Variants in COL1A2 observed in about 807,000 individuals in gnomAD.
COL1A2 encodes the protein collagen type I alpha 2 chain, also known as collagen alpha-2(I) chain.
Under a neutral mutation model 174.3 loss-of-function variants are expected in COL1A2, and 49 were observed. That is an observed-to-expected ratio of 0.28 (90% CI 0.22 to 0.36). COL1A2 has a LOEUF of 0.36. Ranked by LOEUF, COL1A2 falls within the 10% of genes least tolerant of loss-of-function variation. The pLI, the probability that COL1A2 is intolerant of heterozygous loss-of-function variation, is 1.00. For missense variants in COL1A2, 1,438 were observed against 1,822.7 expected, an observed-to-expected ratio of 0.79 and a Z score of 3.84; for synonymous variants, 655 against 606.6, an observed-to-expected ratio of 1.08 and a Z score of -1.17.
At position 94,423,019 on chromosome 7, in the gene COL1A2, T is replaced by G. The variant is rs756847406; in HGVS notation, c.2466T>G (p.Arg822=). ...PAGKEGLRGP[R]GDQGPVGRTG... is the part of the protein sequence containing the mutation. ...GGAAAGAAGGGCTTCGTGGTCCTCGTGGTGACCAAGGTCCAGTTGGCCGAA... is the reference window on the plus strand; with the variant it reads ...GGAAAGAAGGGCTTCGTGGTCCTCGGGGTGACCAAGGTCCAGTTGGCCGAA... Residue 822 remains arginine (R), a synonymous_variant, in exon 40 of 52, where the codon CGT becomes CGG. Coordinates refer to ENST00000297268, the MANE Select transcript of COL1A2 (RefSeq NM_000089.4). 6.2e-7 allele frequency: 1 copy of G among 1,614,180 alleles called. No individual in the cohort carries two copies. Among genetic ancestry groups the G allele is most frequent in the Non-Finnish European group, 8.5e-7 (1 of 1,180,014 alleles).
rs1792054440 is a variant in COL1A2 at position 94,416,899 on chromosome 7, A to C, written c.1863+396A>C. ...ACAAGTAGTCTGACTTTTAATAATAAGAGTTTATGATGATGAAAATTCATT... is the reference window on the plus strand; with the variant it reads ...ACAAGTAGTCTGACTTTTAATAATACGAGTTTATGATGATGAAAATTCATT... On this transcript the variant is annotated intron_variant, in intron 31 of 51. Transcript: ENST00000297268. 2.2e-5 allele frequency: 4 copies of C among 179,790 alleles called. No homozygotes were observed. In the South Asian group the frequency reaches 4.8e-4, roughly 22 times the overall value. The allele number at this position is 179,790 out of a possible 1,614,324, so 11.1% of individuals were successfully genotyped here. A position where few individuals can be genotyped will look rare whatever the true frequency, so the allele number is the denominator to read the frequency against.
chr7:94,410,478 C>T lies in COL1A2; in HGVS notation c.1148C>T (p.Pro383Leu). The T allele has an allele frequency of 6.4e-7, 1 of 1,550,412 alleles. No individual in the cohort carries two copies. The stretch of plus-strand genomic sequence containing the variant: ...AGTGGTGAAGAAGGAAAGAGAGGCC[C>T]TAATGGGGAAGCTGGATCTGCCGGC... ...GPSGEEGKRG[P>L]NGEAGSAGPP... Residue 383 changes from proline to leucine, a missense_variant, in exon 21 of 52, where the codon CCT becomes CTT. Pro to Leu is a moderately conservative substitution (Grantham distance 98, BLOSUM62 -3). Around this residue, in one of 3 missense-constraint regions of COL1A2, gnomAD observed 867 missense variants for 1,213.7 expected, o/e 0.71. Transcript: ENST00000297268.
intron 39 of COL1A2, 91 bp from the exon 40 acceptor site, chr7:94,422,866 G>C: frequency 6.9e-7 from 1 of 1,446,298 alleles, no homozygotes; most frequent in Admixed American, 1.7e-5. Flanking sequence ...GCATCACATT[G>C]TTTGCATCTT....
chr7:94,425,638 G>C lies in COL1A2; in HGVS notation c.2810G>C (p.Gly937Ala). 1 of 1,614,094 alleles carries C rather than the reference G, an allele frequency of 6.2e-7. No individual in the cohort carries two copies. The highest frequency in any genetic ancestry group is 8.5e-7 in the Non-Finnish European group (1 of 1,179,988). Residue 937 changes from glycine (G) to alanine (A), a missense_variant, in exon 43 of 52, where the codon GGT becomes GCT. Transcript: ENST00000297268. ...AACCCTGGGAACGATGGTCCCCCAG[G>C]TCGCGATGGTCAACCCGGACACAAG... ...DGNPGNDGPP[G>A]RDGQPGHKGE...
At chr7:94,401,434 T>C (rs1052826017) in intron 5 of COL1A2, 133 bp from the exon 6 acceptor site, 1 of 317,482 alleles carries the variant, frequency 3.1e-6, no homozygotes, top group African/African-American at 2.3e-5. Context: ...AACTAATAAT[T>C]ATATCAAAAA....
Position 94,400,116 on chromosome 7 carries a change from A to G in COL1A2, c.133-80A>G, listed in dbSNP as rs752565906. ...CCTACTTGCACATAGAAAGGTCTGA[A>G]CAACTGATCTTACCACATATAATTC... On this transcript the variant is annotated intron_variant, in intron 4 of 51. Transcript: ENST00000297268. 8 of 1,336,698 alleles carry G rather than the reference A, an allele frequency of 6.0e-6. No individual in the cohort carries two copies. The South Asian group carries it at 8.2e-5, about 14-fold the overall frequency. The allele number at this position is 1,336,698 out of a possible 1,614,324, so 82.8% of individuals were successfully genotyped here.
In COL1A2 at chr7:94,420,862, T is replaced by C. The variant is rs936670405; in HGVS notation, c.2296-147T>C. Reference sequence around the variant, plus strand: ...TTCTCTGATAACCTCATAAGGGTGGTAATATTGAAGAACATTCTGACACAG... The same window carrying C: ...TTCTCTGATAACCTCATAAGGGTGGCAATATTGAAGAACATTCTGACACAG... On this transcript the variant is annotated intron_variant, in intron 37 of 51. Transcript: ENST00000297268. 12 of 908,672 alleles carry C rather than the reference T, an allele frequency of 1.3e-5. No homozygotes were observed. The African/African-American group carries it at 2.0e-4, about 15-fold the overall frequency. 56.3% of individuals were successfully genotyped at this position (908,672 alleles called of 1,614,324 possible).
chr7:94,399,298 G>C (rs1476175508), intron 4 of COL1A2, among the ~76,000 whole-genome samples: 3 of 152,110 alleles, frequency 2.0e-5, no homozygotes, highest in African/African-American at 4.8e-5. Context: ...AAGAAAAACT[G>C]TTACAGTCAT....
At chr7:94,424,297 G>A (rs1792229155) in intron 40 of COL1A2, 39 bp from the exon 41 acceptor site, 1 of 1,550,100 alleles carries the variant, frequency 6.5e-7, no homozygotes, top group African/African-American at 1.4e-5. Flanking sequence ...TATCACCTAG[G>A]GTCTTACCCA....
chr7:94,428,272 T>C, intron 49 of COL1A2, 21 bp from the exon 50 acceptor site: 1 of 1,586,758 alleles, frequency 6.3e-7, no homozygotes, highest in Non-Finnish European at 8.7e-7. Context: ...TTTCATGATC[T>C]GAATGTTATT....
At chr7:94,425,270 A>C in intron 42 of COL1A2, 46 bp downstream of exon 42, 9 of 1,548,874 alleles carry the variant, frequency 5.8e-6, no homozygotes, top group Non-Finnish European at 8.0e-6. Context: ...GCAGGATTTC[A>C]TTGTGTGAAA....
intron 15 of COL1A2, 46 bp downstream of exon 15, chr7:94,408,426 G>T: frequency 1.3e-6 from 2 of 1,589,944 alleles, no homozygotes; most frequent in Non-Finnish European, 1.7e-6. Context: ...AGAATGTGGG[G>T]TGGGTGCTGT....
At chr7:94,425,511 C>A in intron 42 of COL1A2, 99 bp from the exon 43 acceptor site, 2 of 1,239,214 alleles carry the variant, frequency 1.6e-6, no homozygotes, top group Non-Finnish European at 2.4e-6. Flanking sequence ...GGGTTCGTTA[C>A]TGAGCACTGG....
At chr7:94,410,356 C>T (rs1038341052) in intron 20 of COL1A2, 61 bp downstream of exon 20, 28 of 1,600,536 alleles carry the variant, frequency 1.7e-5, no homozygotes, top group Non-Finnish European at 2.1e-5. Flanking sequence ...CCAGTTTCTC[C>T]AGCTGGACAT....
intron 4 of COL1A2, among the ~76,000 whole-genome samples, chr7:94,399,741 G>T (rs1791649837): frequency 6.6e-6 from 1 of 152,006 alleles, no homozygotes; most frequent in East Asian, 1.9e-4. Flanking sequence ...AAATCTGCAG[G>T]ATTTTCTCTC....
Position 94,421,922 on chromosome 7 carries a change from T to A in COL1A2, c.2373T>A (p.Ala791=). 6.2e-7 allele frequency: 1 copy of A among 1,614,204 alleles called. No homozygotes were observed. The highest frequency in any genetic ancestry group is 8.5e-7 in the Non-Finnish European group (1 of 1,180,028). The change falls in exon 39 of 52, where the codon GCT becomes GCA. Residue 791 remains alanine (A), a synonymous_variant. Coordinates refer to ENST00000297268, the MANE Select transcript of COL1A2 (RefSeq NM_000089.4). ...GPPGMTGFPG[A]AGRTGPPGPS... Reference sequence around the variant, plus strand: ...AGGGTATGACTGGTTTCCCTGGTGCTGCTGGACGGACTGGTCCCCCAGGAC... The same window carrying A: ...AGGGTATGACTGGTTTCCCTGGTGCAGCTGGACGGACTGGTCCCCCAGGAC...
intron 45 of COL1A2, 33 bp from the exon 46 acceptor site, chr7:94,426,390 G>A (rs1562907420): frequency 1.9e-6 from 3 of 1,541,774 alleles, no homozygotes; most frequent in Admixed American, 3.9e-5. Context: ...TTTTAAAACG[G>A]TAAGTCTTAT....
chr7:94,414,858 T>C (rs1211364717), intron 29 of COL1A2, among the ~76,000 whole-genome samples: 1 of 152,204 alleles, frequency 6.6e-6, no homozygotes. Context: ...ATGTACAGAA[T>C]ATGATAATTT....
intron 23 of COL1A2, 137 bp downstream of exon 23, chr7:94,411,291 CT>C: frequency 8.0e-6 from 6 of 748,832 alleles, no homozygotes; most frequent in Non-Finnish European, 1.4e-5. Flanking sequence ...GCATTTTTGA[CT>C]TTATCAAAGC....
Sources: allele counts gnomAD v4.1 joint callset (sites outside exome capture counted in the v4.1 genomes callset), GRCh38; gene constraint gnomAD v4.1.1; regional missense constraint gnomAD v4.1.1; transcripts MANE v1.5; gene names NCBI Gene and HGNC (gene_info 2026-07-23, HGNC 2026-07-21).